Variants in GC observed in about 807,000 individuals in gnomAD.
The protein encoded by GC is GC vitamin D binding protein, also known as vitamin D-binding protein.
Under a neutral mutation model 56.7 loss-of-function variants are expected in GC, and 43 were observed. That is an observed-to-expected ratio of 0.76 (90% confidence interval 0.59 to 0.98). The LOEUF (loss-of-function observed/expected upper bound fraction) is 0.98, where lower values mean the gene tolerates loss of function less well. Ranked by LOEUF, GC falls within the 50% of genes least tolerant of loss-of-function variation. The pLI is 0.00. For missense variants in GC, 529 were observed against 545.9 expected, an observed-to-expected ratio of 0.97 and a Z score of 0.31; for synonymous variants, 216 against 202.7, an observed-to-expected ratio of 1.07 and a Z score of -0.56.
At chr4:71,801,712 T>C (rs1043937657) in intron 1 of GC, among the ~76,000 whole-genome samples, 2 of 152,116 alleles carry the variant, frequency 1.3e-5, no homozygotes, top group Non-Finnish European at 2.9e-5. Context: ...ATATAAACTT[T>C]GCCTATAAAA....
upstream of GC, among the ~76,000 whole-genome samples, chr4:71,784,686 T>C (rs1029661734): frequency 6.6e-6 from 1 of 151,756 alleles, no homozygotes; most frequent in Admixed American, 6.6e-5. Flanking sequence ...GACATATATA[T>C]GAAAAATAAC....
intron 1 of GC, among the ~76,000 whole-genome samples, chr4:71,779,703 T>G (rs1043435708): frequency 4.0e-5 from 6 of 151,862 alleles, no homozygotes; most frequent in Admixed American, 6.6e-5. Context: ...TTTTACAGAG[T>G]GTGCACACTT....
intron 11 of GC, among the ~76,000 whole-genome samples, chr4:71,750,851 C>T (rs913379724): frequency 6.6e-6 from 1 of 152,010 alleles, no homozygotes; most frequent in East Asian, 1.9e-4. Flanking sequence ...CACCACTGCA[C>T]TCCAGCCTGG....
intron 9 of GC, 35 bp downstream of exon 9, chr4:71,754,943 C>T (rs771278551): frequency 1.3e-6 from 2 of 1,492,840 alleles, no homozygotes; most frequent in South Asian, 1.3e-5. Flanking sequence ...AACCCTTGAT[C>T]TATGTGCTTG....
Position 71,765,510 on chromosome 4 carries a change from T to G in GC, c.395A>C (p.Glu132Ala). The G allele has an allele frequency of 5.0e-6, 8 of 1,614,026 alleles. No individual in the cohort carries two copies. Among genetic ancestry groups the G allele is most frequent in the Non-Finnish European group, 5.9e-6 (7 of 1,179,940 alleles). The change falls in exon 4 of 13, where the codon GAA (glutamate) becomes GCA (alanine). Residue 132 changes from glutamate (E) to alanine (A), a missense_variant. Glu to Ala is a moderately radical substitution (Grantham distance 107). Coordinates refer to ENST00000273951, the MANE Select transcript of GC (RefSeq NM_000583.4). ...CMAALKHQPQ[E>A]FPTYVEPTND... ...TGTGGGTTCCACGTAGGTAGGGAAT[T>G]CCTGTGGCTGGTGTTTCAGAGCAGC...
upstream of GC, chr4:71,784,305 G>A (rs1232397333): frequency 8.1e-6 from 9 of 1,116,722 alleles, no homozygotes; most frequent in Non-Finnish European, 9.9e-6. Flanking sequence ...AACTGCAAAA[G>A]AGCCAAGGTA....
intron 3 of GC, among the ~76,000 whole-genome samples, chr4:71,767,062 G>C (rs946366846): frequency 6.6e-6 from 1 of 152,094 alleles, no homozygotes; most frequent in South Asian, 2.1e-4. Context: ...TTTTAAGGTG[G>C]TACAGAAGTT....
intron 1 of GC, 165 bp from the exon 2 acceptor site, chr4:71,769,565 A>G (rs1742280271): frequency 3.5e-6 from 2 of 564,250 alleles, no homozygotes; most frequent in African/African-American, 1.9e-5. Context: ...CTCTTCTCTC[A>G]TAACAGGCCA....
chr4:71,762,205 G>C (rs1742001969), intron 6 of GC, among the ~76,000 whole-genome samples: 1 of 152,180 alleles, frequency 6.6e-6, no homozygotes, highest in Admixed American at 6.5e-5. Flanking sequence ...ACGTGAGCTG[G>C]ATATGAGACA....
At chr4:71,759,899 T>G (rs1339934904) in intron 6 of GC, among the ~76,000 whole-genome samples, 2 of 152,178 alleles carry the variant, frequency 1.3e-5, no homozygotes, top group Admixed American at 1.3e-4. Flanking sequence ...GTAATATATA[T>G]GGTGGCTTTA....
chr4:71,800,259 G>A (rs1469366146), intron 1 of GC, among the ~76,000 whole-genome samples: 1 of 152,058 alleles, frequency 6.6e-6, no homozygotes, highest in Non-Finnish European at 1.5e-5. Flanking sequence ...AGGCCCCGGT[G>A]TGTGTTGTTC....
upstream of GC, among the ~76,000 whole-genome samples, chr4:71,787,428 G>A (rs146383679): frequency 2.6e-5 from 4 of 151,762 alleles, no homozygotes; most frequent in South Asian, 2.1e-4. Flanking sequence ...GTTGTCCCTC[G>A]TCTGTCAGTC....
Position 71,758,165 on chromosome 4 carries a change from G to T in GC, c.708C>A (p.Leu236=). The change falls in exon 7 of 13, where the codon CTC becomes CTA. Residue 236 remains leucine (L), a synonymous_variant. Transcript: ENST00000273951. ...TAGGCACTTTTTGGGCTAACTTTAT[G>T]AGATTGCTAAACAGTTAAAAATAAA... The part of the protein sequence containing the change: ...YGEKKSRLSN[L]IKLAQKVPTA... 6.2e-7 allele frequency: 1 copy of T among 1,612,754 alleles called. No homozygotes were observed. The highest frequency in any genetic ancestry group is 1.1e-5 in the South Asian group (1 of 90,946).
At chr4:71,766,540 G>A (rs994177764) in intron 3 of GC, among the ~76,000 whole-genome samples, 1 of 152,082 alleles carries the variant, frequency 6.6e-6, no homozygotes, top group African/African-American at 2.4e-5. Context: ...ATTACTTTGG[G>A]ATTTATATGG....
At chr4:71,744,276 A>G (rs1431590827) in intron 12 of GC, among the ~76,000 whole-genome samples, 6 of 141,860 alleles carry the variant, frequency 4.2e-5, no homozygotes, top group Non-Finnish European at 9.0e-5. Flanking sequence ...CCCCATCTCT[A>G]CTAAAAATAC....
At chr4:71,785,386 G>T (rs1031069717), upstream of GC, among the ~76,000 whole-genome samples, 3 of 151,692 alleles carry the variant, frequency 2.0e-5, no homozygotes, top group African/African-American at 4.8e-5. Flanking sequence ...CCAGGGTCCC[G>T]CAGATAAGTG....
intron 5 of GC, 142 bp from the exon 6 acceptor site, chr4:71,763,644 C>T: frequency 5.2e-6 from 4 of 763,786 alleles, no homozygotes; most frequent in Non-Finnish European, 8.7e-6. Flanking sequence ...ATTGATATTA[C>T]TTTTCCAGAG....
chr4:71,781,883 AG>A (rs1036619756), intron 1 of GC, among the ~76,000 whole-genome samples: 1 of 151,794 alleles, frequency 6.6e-6, no homozygotes, highest in Non-Finnish European at 1.5e-5. Flanking sequence ...TGTCCAGTAA[AG>A]GGTCATCTGT....
At chr4:71,794,050 T>C (rs753514223) in intron 1 of GC, among the ~76,000 whole-genome samples, 24 of 152,148 alleles carry the variant, frequency 1.6e-4, no homozygotes, top group Non-Finnish European at 2.9e-4. Context: ...CTGCTGGATT[T>C]GGTTTGCCAG....
Sources: allele counts gnomAD v4.1 joint callset (sites outside exome capture counted in the v4.1 genomes callset), GRCh38; gene constraint gnomAD v4.1.1; transcripts MANE v1.5; gene names NCBI Gene and HGNC (gene_info 2026-07-23, HGNC 2026-07-21).